The following ARHGAP29 variants were observed in gnomAD, a reference collection of about 807,000 sequenced individuals.
ARHGAP29 encodes the protein rho GTPase-activating protein 29.
ARHGAP29 carries 43 observed loss-of-function variants against 122.6 expected under a neutral mutation model. That is an observed-to-expected ratio of 0.35 (90% CI 0.27 to 0.45). ARHGAP29 has a LOEUF of 0.45. Ranked by LOEUF, ARHGAP29 falls within the 20% of genes least tolerant of loss-of-function variation. The probability of loss-of-function intolerance (pLI) is 1.00; values close to 1 mark genes in which losing one functional copy is unlikely to be tolerated. For missense variants in ARHGAP29, 1,303 were observed against 1,477.2 expected (o/e 0.88, Z 1.93); for synonymous variants, 506 against 497.1 (o/e 1.02, Z -0.24).
the ARHGAP29 span, among the ~76,000 whole-genome samples, chr1:94,314,181 C>A: frequency 6.6e-6 from 1 of 152,188 alleles, no homozygotes; most frequent in African/African-American, 2.4e-5. Context: ...CAAGTTTGAA[C>A]ACTTTGTTTA....
chr1:94,221,756 C>A (rs1184600003), intron 2 of ARHGAP29, among the ~76,000 whole-genome samples: 1 of 150,728 alleles, frequency 6.6e-6, no homozygotes, highest in African/African-American at 2.4e-5. Context: ...TATACATACA[C>A]ATATATATAT....
the ARHGAP29 span, among the ~76,000 whole-genome samples, chr1:94,305,925 A>T: frequency 1.3e-5 from 2 of 152,212 alleles, no homozygotes; most frequent in African/African-American, 4.8e-5. Flanking sequence ...CTCTTGAAAA[A>T]GGCAATCACC....
At chr1:94,235,295 C>G (rs1227815540) in intron 1 of ARHGAP29, among the ~76,000 whole-genome samples, 3 of 152,136 alleles carry the variant, frequency 2.0e-5, no homozygotes, top group Non-Finnish European at 4.4e-5. Context: ...ACACACTTTC[C>G]AAGATCATAT....
intron 1 of ARHGAP29, among the ~76,000 whole-genome samples, chr1:94,251,928 A>G (rs1031480219): frequency 1.3e-5 from 2 of 152,152 alleles, no homozygotes; most frequent in Non-Finnish European, 2.9e-5. Flanking sequence ...CCTTACTAGT[A>G]TGGGTATGTT....
intron 20 of ARHGAP29, among the ~76,000 whole-genome samples, chr1:94,179,204 A>G (rs554585331): frequency 4.6e-5 from 7 of 152,210 alleles, no homozygotes; most frequent in Non-Finnish European, 1.0e-4. Context: ...GCATGTACAT[A>G]TATCTTCAAT....
the ARHGAP29 span, among the ~76,000 whole-genome samples, chr1:94,310,951 T>G: frequency 6.6e-6 from 1 of 152,156 alleles, no homozygotes. Context: ...CCTTCTACTC[T>G]CCCACTTGCC....
chr1:94,227,044 A>G (rs1652652420), intron 2 of ARHGAP29, among the ~76,000 whole-genome samples: 1 of 151,878 alleles, frequency 6.6e-6, no homozygotes, highest in African/African-American at 2.4e-5. Flanking sequence ...GTTAATCCAC[A>G]AGACAGGATT....
intron 1 of ARHGAP29, among the ~76,000 whole-genome samples, chr1:94,267,728 G>A (rs952115608): frequency 5.3e-5 from 8 of 151,570 alleles, no homozygotes; most frequent in African/African-American, 1.9e-4. Flanking sequence ...TGTGATCATG[G>A]GTAAATTACA....
At chr1:94,282,583 C>T in the ARHGAP29 span, among the ~76,000 whole-genome samples, 12 of 151,964 alleles carry the variant, frequency 7.9e-5, no homozygotes, top group Non-Finnish European at 1.5e-4. Flanking sequence ...CATGACCACA[C>T]GTGGTCAAAG....
the ARHGAP29 span, chr1:94,302,089 G>T: frequency 3.6e-6 from 1 of 277,778 alleles, no homozygotes; most frequent in Admixed American, 3.9e-5. Context: ...TGGGCACCTG[G>T]TCACCACGGC....
At chr1:94,301,883 C>T in the ARHGAP29 span, among the ~76,000 whole-genome samples, 1 of 152,146 alleles carries the variant, frequency 6.6e-6, no homozygotes, top group South Asian at 2.1e-4. Context: ...AAGTTAACCC[C>T]TCTAAGTCCA....
intron 15 of ARHGAP29, among the ~76,000 whole-genome samples, chr1:94,187,187 C>T (rs79421418): frequency 0.017 from 2,532 of 152,240 alleles, 73 homozygotes; most frequent in African/African-American, 0.058. Context: ...CCATATGTAT[C>T]AAAGCATGTT....
chr1:94,185,441 T>C lies in ARHGAP29; in HGVS notation c.1821A>G (p.Ser607=). ...SLGTFKKTLM[S]KAALTHKFRK... is the part of the protein sequence containing the mutation. The stretch of plus-strand genomic sequence containing the variant: ...GAAACTTGTGTGTGAGAGCTGCCTT[T>C]GACATCAATGTTTTCTTAAATGTTC... The change falls in exon 17 of 23, where the codon TCA becomes TCG. Residue 607 remains serine (S), a synonymous_variant. Transcript: ENST00000260526. 1.1e-5 allele frequency: 18 copies of C among 1,612,208 alleles called. No homozygotes were observed. Among genetic ancestry groups the C allele is most frequent in the Non-Finnish European group, 1.5e-5 (18 of 1,179,334 alleles).
chr1:94,220,894 A>C (rs1652253822), intron 2 of ARHGAP29, among the ~76,000 whole-genome samples: 1 of 152,174 alleles, frequency 6.6e-6, no homozygotes, highest in Admixed American at 6.6e-5. Flanking sequence ...ATGATGAAAA[A>C]TTGAAGGATC....
intron 3 of ARHGAP29, among the ~76,000 whole-genome samples, chr1:94,218,581 T>A (rs80066701): frequency 0.062 from 9,507 of 152,238 alleles, 441 homozygotes; most frequent in Non-Finnish European, 0.097. Flanking sequence ...AATTTTACTA[T>A]CTATAGACAC....
intron 1 of ARHGAP29, among the ~76,000 whole-genome samples, chr1:94,271,744 A>G (rs1414411445): frequency 6.6e-6 from 1 of 152,146 alleles, no homozygotes; most frequent in Non-Finnish European, 1.5e-5. Context: ...CTCACTCACC[A>G]TTACTCTGAA....
chr1:94,278,278 C>T (rs913562356), upstream of ARHGAP29, among the ~76,000 whole-genome samples: 7 of 152,030 alleles, frequency 4.6e-5, no homozygotes, highest in African/African-American at 7.2e-5. Context: ...ATGATCATGG[C>T]GCCGCATTCC....
At chr1:94,285,800 G>A in the ARHGAP29 span, among the ~76,000 whole-genome samples, 2 of 150,534 alleles carry the variant, frequency 1.3e-5, no homozygotes. Flanking sequence ...ACTTGAACCC[G>A]GGAGGCGGAG....
At chr1:94,175,689 G>T (rs115911192) in intron 22 of ARHGAP29, among the ~76,000 whole-genome samples, 2 of 151,836 alleles carry the variant, frequency 1.3e-5, no homozygotes, top group South Asian at 2.1e-4. Context: ...GGGTTCCAAG[G>T]CTCTTTTATT....
Sources: gnomAD v4.1 joint callset for allele counts (sites outside exome capture counted in the v4.1 genomes callset) on GRCh38, gnomAD v4.1.1 for gene constraint, MANE v1.5 for transcripts, NCBI Gene and HGNC (gene_info 2026-07-23, HGNC 2026-07-21) for gene names.